DPP6: variants seen among roughly 807,000 people sequenced by gnomAD.
DPP6 encodes the protein A-type potassium channel modulatory protein DPP6.
DPP6 carries 69 observed loss-of-function variants against 122.6 expected under a neutral mutation model. That is an observed-to-expected ratio of 0.56 (90% CI 0.46 to 0.69). The LOEUF is 0.69. DPP6 is among the 30% of genes least tolerant of loss of function. DPP6 has a pLI of 0.00. For synonymous variants in DPP6, 418 were observed against 433.1 expected, an observed-to-expected ratio of 0.97 and a Z score of 0.43; for missense variants, 928 against 1,116.9, an observed-to-expected ratio of 0.83 and a Z score of 2.41.
Position 154,132,190 on chromosome 7 carries a change from G to C in DPP6, c.243+79127G>C, listed in dbSNP as rs564292714. On this transcript the variant is annotated intron_variant, in intron 1 of 25. Coordinates refer to ENST00000377770, the MANE Select transcript of DPP6 (RefSeq NM_130797.4). ...AAATCTTCATCAGCCCTCATTATCA[G>C]AAAACTTTGGCTGGACAGCTGATTG... 6.5e-3 allele frequency among the ~76,000 whole-genome samples: 989 copies of C among 152,260 alleles called. 11 individuals are homozygous for C. Among genetic ancestry groups the C allele is most frequent in the African/African-American group, 0.023 (944 of 41,544 alleles).
chr7:153,862,259 C>G, the DPP6 span, among the ~76,000 whole-genome samples: 1 of 152,108 alleles, frequency 6.6e-6, no homozygotes, highest in Non-Finnish European at 1.5e-5. Flanking sequence ...CGAAAAAGAG[C>G]CTCTGTTCCC....
chr7:154,721,150 AAATCACACTTTTCATTTATTTAG>A (rs1466675066), intron 7 of DPP6, among the ~76,000 whole-genome samples: 1 of 152,230 alleles, frequency 6.6e-6, no homozygotes, highest in East Asian at 1.9e-4. Flanking sequence ...TTTTGGTTAA[AAATCACACTTTTCATTTATTTAG>A]CACATTGCTG....
chr7:154,324,065 C>G (rs887751708), intron 1 of DPP6, among the ~76,000 whole-genome samples: 10 of 152,168 alleles, frequency 6.6e-5, no homozygotes, highest in Non-Finnish European at 1.5e-4. Context: ...TTTCTTCAAT[C>G]AGGACAGAAC....
chr7:154,150,119 C>T lies in DPP6; in HGVS notation c.243+97056C>T, dbSNP rs377591806. 4.9e-4 allele frequency among the ~76,000 whole-genome samples: 74 copies of T among 152,164 alleles called. No individual in the cohort carries two copies. In the South Asian group the frequency reaches 0.014, roughly 29 times the overall value. On this transcript the variant is annotated intron_variant, in intron 1 of 25. Coordinates refer to ENST00000377770, the MANE Select transcript of DPP6 (RefSeq NM_130797.4). ...ATGCCTTATTATGATGTCACCTTCA[C>T]GAGGAGGTTTAGAGGTTTGCTTTTG...
chr7:154,157,143 C>T (rs1237438834), intron 1 of DPP6, among the ~76,000 whole-genome samples: 7 of 152,202 alleles, frequency 4.6e-5, no homozygotes, highest in Admixed American at 2.0e-4. Context: ...TGCTGTGTTG[C>T]GGAGTCACGA....
chr7:153,793,028 T>A, the DPP6 span, among the ~76,000 whole-genome samples: 3 of 152,180 alleles, frequency 2.0e-5, no homozygotes, highest in Non-Finnish European at 4.4e-5. Flanking sequence ...CAGTTAAACT[T>A]CTTTTTCTTC....
chr7:154,731,984 T>A (rs1842360315), intron 8 of DPP6, among the ~76,000 whole-genome samples: 1 of 152,182 alleles, frequency 6.6e-6, no homozygotes, highest in Non-Finnish European at 1.5e-5. Flanking sequence ...CATTACATGG[T>A]TGATTGTGTT....
intron 1 of DPP6, among the ~76,000 whole-genome samples, chr7:153,942,164 T>G (rs1441232485): frequency 6.6e-6 from 1 of 152,242 alleles, no homozygotes; most frequent in African/African-American, 2.4e-5. Context: ...ACAAAACATT[T>G]ATGTACTCAT....
At chr7:154,213,711 G>A (rs1444835169) in intron 1 of DPP6, among the ~76,000 whole-genome samples, 1 of 152,022 alleles carries the variant, frequency 6.6e-6, no homozygotes, top group Non-Finnish European at 1.5e-5. Context: ...CCAACCCTGT[G>A]ACTGATCCCC....
chr7:154,261,017 T>C (rs1802981120), intron 1 of DPP6, among the ~76,000 whole-genome samples: 1 of 152,030 alleles, frequency 6.6e-6, no homozygotes, highest in Non-Finnish European at 1.5e-5. Flanking sequence ...TGCCTCAGCC[T>C]CCCAAGTAGT....
intron 1 of DPP6, among the ~76,000 whole-genome samples, chr7:154,435,954 T>C (rs1319629736): frequency 6.6e-6 from 1 of 152,192 alleles, no homozygotes; most frequent in East Asian, 1.9e-4. Flanking sequence ...GTGAATATCT[T>C]ACTTTTTACG....
At chr7:153,812,105 CCT>C in the DPP6 span, among the ~76,000 whole-genome samples, 19 of 152,100 alleles carry the variant, frequency 1.2e-4, no homozygotes, top group African/African-American at 4.1e-4. Context: ...ACTTTTTTCT[CCT>C]CTTTCATCTT....
intron 2 of DPP6, among the ~76,000 whole-genome samples, chr7:154,449,890 C>T (rs986243258): frequency 1.3e-5 from 2 of 151,924 alleles, no homozygotes; most frequent in African/African-American, 4.8e-5. Flanking sequence ...TGCCTGTAGT[C>T]CCAGCTACTT....
intron 16 of DPP6, among the ~76,000 whole-genome samples, chr7:154,823,231 A>C (rs1045738048): frequency 6.6e-6 from 1 of 152,240 alleles, no homozygotes; most frequent in Non-Finnish European, 1.5e-5. Context: ...TTTTAAACAG[A>C]AATGTTGTAA....
At chr7:154,805,826 T>C (rs12670700) in intron 15 of DPP6, among the ~76,000 whole-genome samples, 42,192 of 152,164 alleles carry the variant, frequency 0.28, 6,478 homozygotes, top group Admixed American at 0.35. Context: ...GGAGGGGGTG[T>C]CTGCTGCCTC....
At chr7:154,222,301 T>G (rs1324870997) in intron 1 of DPP6, among the ~76,000 whole-genome samples, 2 of 152,196 alleles carry the variant, frequency 1.3e-5, no homozygotes, top group African/African-American at 4.8e-5. Flanking sequence ...CAGCCTGTCC[T>G]CTGGCCTTCC....
At chr7:153,958,738 C>A (rs1278917840) in intron 1 of DPP6, among the ~76,000 whole-genome samples, 2 of 152,158 alleles carry the variant, frequency 1.3e-5, no homozygotes, top group African/African-American at 4.8e-5. Context: ...AAAATCAGCT[C>A]TCTTGGCTCC....
intron 1 of DPP6, among the ~76,000 whole-genome samples, chr7:153,913,124 G>C (rs1319586994): frequency 6.6e-6 from 1 of 152,126 alleles, no homozygotes; most frequent in Non-Finnish European, 1.5e-5. Flanking sequence ...GCCCAGACTG[G>C]AGTGCGGTGG....
chr7:154,247,930 C>T (rs1176640815), intron 1 of DPP6, among the ~76,000 whole-genome samples: 2 of 152,072 alleles, frequency 1.3e-5, no homozygotes, highest in East Asian at 3.9e-4. Context: ...GTTTGGGCTG[C>T]TATATAACAA....
Sources: gnomAD v4.1 joint callset for allele counts (sites outside exome capture counted in the v4.1 genomes callset) on GRCh38, gnomAD v4.1.1 for gene constraint, MANE v1.5 for transcripts, NCBI Gene and HGNC (gene_info 2026-07-23, HGNC 2026-07-21) for gene names.